MDFI: variants seen among roughly 807,000 people sequenced by gnomAD.
MDFI encodes the protein inhibitor of MyoD family a.
Under a neutral mutation model 22.3 loss-of-function variants are expected in MDFI, and 16 were observed. The observed-to-expected ratio is 0.72, with a 90% confidence interval of 0.49 to 1.09. The LOEUF (loss-of-function observed/expected upper bound fraction) is 1.09, where lower values mean the gene tolerates loss of function less well. Ranked by LOEUF, MDFI falls within the 50% of genes least tolerant of loss-of-function variation. MDFI has a pLI of 0.00. For synonymous variants in MDFI, 145 were observed against 142.7 expected, an observed-to-expected ratio of 1.02 and a Z score of -0.12; for missense variants, 314 against 326.1, an observed-to-expected ratio of 0.96 and a Z score of 0.29.
intron 2 of MDFI, among the ~76,000 whole-genome samples, chr6:41,644,481 C>T (rs1014207654): frequency 3.9e-5 from 6 of 152,136 alleles, no homozygotes; most frequent in Admixed American, 2.0e-4. Context: ...GCCTCTGGGG[C>T]GTCCATTCCC....
At position 41,650,308 on chromosome 6, in the gene MDFI, A is replaced by G. The variant is rs543671469; in HGVS notation, c.484+465A>G. ...TGCAGTAGGAGGTCAGAGGATCCAG[A>G]CACCCAACCAGCCGATGTGCCTACA... On this transcript the variant is annotated intron_variant, in intron 4 of 4. Coordinates refer to ENST00000230321, the MANE Select transcript of MDFI (RefSeq NM_005586.4). Among the ~76,000 whole-genome samples the G allele has an allele frequency of 5.9e-5, 9 of 152,322 alleles. No individual in the cohort carries two copies. The East Asian group carries it at 1.7e-3, about 29-fold the overall frequency.
intron 2 of MDFI, chr6:41,639,418 C>T (rs1767766788): frequency 2.0e-6 from 2 of 985,322 alleles, no homozygotes; most frequent in African/African-American, 1.7e-5. Context: ...GTGTCTTCAG[C>T]CCAAGTGAAA....
chr6:41,650,742 T>G (rs1490753688), intron 4 of MDFI, among the ~76,000 whole-genome samples: 1 of 151,948 alleles, frequency 6.6e-6, no homozygotes, highest in Non-Finnish European at 1.5e-5. Context: ...CCCAGCTAAT[T>G]TTTGTATTTT....
Position 41,638,977 on chromosome 6 carries a change from G to A in MDFI, c.76+152G>A. On this transcript the variant is annotated intron_variant, in intron 2 of 4. Transcript: ENST00000230321. This position sits in a 1 kb window ranked among gnomAD's most constrained non-coding sequence, Gnocchi z 7.6. ...ACGAAAAGTCTGGGTTTGAGGACTT[G>A]GTCCAAGGAGAGTAGGGGGCTGGGC... 2.1e-6 allele frequency: 2 copies of A among 967,500 alleles called. No individual in the cohort carries two copies. Among genetic ancestry groups the A allele is most frequent in the Non-Finnish European group, 3.0e-6 (2 of 673,276 alleles). 59.9% of individuals were successfully genotyped at this position (967,500 alleles called of 1,614,324 possible).
At chr6:41,643,851 A>G (rs1767952169) in intron 2 of MDFI, among the ~76,000 whole-genome samples, 1 of 152,096 alleles carries the variant, frequency 6.6e-6, no homozygotes, top group Non-Finnish European at 1.5e-5. Context: ...AACTCTGATA[A>G]TTTGCCAGGC....
At chr6:41,652,187 G>A (rs937474505) in intron 4 of MDFI, among the ~76,000 whole-genome samples, 5 of 152,208 alleles carry the variant, frequency 3.3e-5, no homozygotes, top group Admixed American at 3.3e-4. Context: ...GGCAAAGAAG[G>A]AGATGAGGGA....
Position 41,649,709 on chromosome 6 carries a change from G to A in MDFI, c.350G>A (p.Gly117Glu). Residue 117 changes from glycine to glutamate, a missense_variant, in exon 4 of 5, where the codon GGG becomes GAG. Transcript: ENST00000230321. ...PSELGGTRRA[G>E]NGALGGPKAH... is the part of the protein sequence containing the mutation. The stretch of plus-strand genomic sequence containing the variant: ...GAGCTGGGCGGCACCAGACGGGCGG[G>A]GAATGGTGCCCTGGGTGGCCCCAAG... The A allele has an allele frequency of 6.2e-7, 1 of 1,614,076 alleles. No homozygotes were observed. The highest frequency in any genetic ancestry group is 8.5e-7 in the Non-Finnish European group (1 of 1,180,002).
At position 41,646,269 on chromosome 6, in the gene MDFI, G is replaced by A; in HGVS notation, c.220G>A (p.Asp74Asn). The stretch of plus-strand genomic sequence containing the variant: ...TGGCCCTGGCATCCCCCAGGGCCTG[G>A]ACAGCACTGACCTCGACGTCCCCAC... ...GNGPGIPQGL[D>N]STDLDVPTEA... The change falls in exon 3 of 5, where the codon GAC becomes AAC. Residue 74 changes from aspartate (D) to asparagine (N), a missense_variant. Asp to Asn is a conservative substitution (Grantham distance 23). Transcript: ENST00000230321. 2 of 1,526,766 alleles carry A rather than the reference G, an allele frequency of 1.3e-6. No homozygotes were observed. Among genetic ancestry groups the A allele is most frequent in the Non-Finnish European group, 1.8e-6 (2 of 1,139,974 alleles). The allele number at this position is 1,526,766 out of a possible 1,614,324, so 94.6% of individuals were successfully genotyped here.
chr6:41,646,603 C>T (rs758191486), intron 3 of MDFI, among the ~76,000 whole-genome samples: 43 of 152,150 alleles, frequency 2.8e-4, no homozygotes, highest in Admixed American at 5.2e-4. Flanking sequence ...AAGAGAGCTA[C>T]GGGGCTGGGG....
In MDFI at chr6:41,638,987, G is replaced by A. The variant is rs1192019197; in HGVS notation, c.76+162G>A. 3.3e-5 allele frequency among the ~76,000 whole-genome samples: 5 copies of A among 152,174 alleles called. No individual in the cohort carries two copies. Among genetic ancestry groups the A allele is most frequent in the Admixed American group, 3.3e-4 (5 of 15,286 alleles). On this transcript the variant is annotated intron_variant, in intron 2 of 4. Transcript: ENST00000230321. The surrounding 1 kb of genome is among the most constrained non-coding windows in gnomAD (Gnocchi z 7.6). ...TGGGTTTGAGGACTTGGTCCAAGGA[G>A]AGTAGGGGGCTGGGCGAGGGAGGCA... is the stretch of plus-strand genomic sequence containing the variant.
At position 41,649,579 on chromosome 6, in the gene MDFI, C is replaced by G. The variant is rs748318629; in HGVS notation, c.260-40C>G. 3 of 1,515,222 alleles carry G rather than the reference C, an allele frequency of 2.0e-6. No homozygotes were observed. The South Asian group carries it at 3.9e-5, about 20-fold the overall frequency. 93.9% of individuals were successfully genotyped at this position (1,515,222 alleles called of 1,614,324 possible). On this transcript the variant is annotated intron_variant, in intron 3 of 4. Transcript: ENST00000230321. ...GCATAGCTCTGGGGGCCGAATGACC[C>G]CCACCCTTTTCCCATCACACTTTCT...
rs1450385693 is a variant in MDFI at position 41,651,385 on chromosome 6, C to T, written c.484+1542C>T. 1.3e-5 allele frequency among the ~76,000 whole-genome samples: 2 copies of T among 148,966 alleles called. 1 individual carries two copies. Among genetic ancestry groups the T allele is most frequent in the Non-Finnish European group, 3.0e-5 (2 of 67,262 alleles). On this transcript the variant is annotated intron_variant, in intron 4 of 4. Coordinates refer to ENST00000230321, the MANE Select transcript of MDFI (RefSeq NM_005586.4). ...ATCTGGGGAGGGAATCCTGGGAAGGCTTGGAGGTGATGTCTGAACATGCCT... is the reference window on the plus strand; with the variant it reads ...ATCTGGGGAGGGAATCCTGGGAAGGTTTGGAGGTGATGTCTGAACATGCCT...
chr6:41,648,213 C>T (rs1372337091), intron 3 of MDFI, among the ~76,000 whole-genome samples: 1 of 152,098 alleles, frequency 6.6e-6, no homozygotes, highest in Non-Finnish European at 1.5e-5. Flanking sequence ...CCCTCTGAGC[C>T]CCAGCTCCTA....
In MDFI at chr6:41,638,756, C is replaced by T. The variant is rs1232777406; in HGVS notation, c.7C>T (p.Gln3Ter). 1.3e-6 allele frequency: 2 copies of T among 1,569,018 alleles called. No individual in the cohort carries two copies. Among genetic ancestry groups the T allele is most frequent in the African/African-American group, 1.3e-5 (1 of 74,246 alleles). The change falls in exon 2 of 5, where the codon CAG (glutamine) becomes TAG (stop). Residue 3 changes from glutamine to a stop codon, truncating the protein, a stop_gained. Transcript: ENST00000230321. LOFTEE classifies it high-confidence loss of function. The surrounding 1 kb of genome is among the most constrained non-coding windows in gnomAD (Gnocchi z 7.6). ...TTCCGCAGGTCCGGGGCCGATGTAC[C>T]AGGTGAGCGGCCAGCGCCCCTCTGG... is the stretch of plus-strand genomic sequence containing the variant. MY[Q>*]VSGQRPSGCD... is the part of the protein sequence containing the mutation.
intron 4 of MDFI, among the ~76,000 whole-genome samples, chr6:41,652,608 CTTTTTTTT>C (rs3050047): frequency 2.4e-5 from 2 of 84,406 alleles, no homozygotes; most frequent in Admixed American, 1.7e-4. Flanking sequence ...CTCTCCCTCT[CTTTTTTTT>C]TTTTTTTTTT....
intron 4 of MDFI, among the ~76,000 whole-genome samples, chr6:41,651,214 C>G (rs1768259513): frequency 6.7e-6 from 1 of 149,320 alleles, no homozygotes; most frequent in Non-Finnish European, 1.5e-5. Flanking sequence ...TAGGCACCTG[C>G]TATGTGCTGG....
At chr6:41,642,904 A>G (rs76074903) in intron 2 of MDFI, among the ~76,000 whole-genome samples, 3,243 of 152,246 alleles carry the variant, frequency 0.021, 106 homozygotes, top group African/African-American at 0.07. Context: ...GAGCAGAGAC[A>G]CTTTGGGTAA....
intron 2 of MDFI, among the ~76,000 whole-genome samples, chr6:41,640,175 T>C (rs907831993): frequency 3.3e-5 from 5 of 152,186 alleles, no homozygotes; most frequent in South Asian, 2.1e-4. Context: ...TCCTTCTCTG[T>C]GTCTGGGAAC....
rs779729387 is a variant in MDFI, at chr6:41,638,866, T to C, written c.76+41T>C. On this transcript the variant is annotated intron_variant, in intron 2 of 4. Transcript: ENST00000230321. This position sits in a 1 kb window ranked among gnomAD's most constrained non-coding sequence, Gnocchi z 7.6. ...GCGAGCGAAGCTGGACAGGGGCGGG[T>C]GGGCGGCTGAAGGGGCCAGTTATTA... 1.8e-5 allele frequency: 28 copies of C among 1,517,388 alleles called. No homozygotes were observed. The highest frequency in any genetic ancestry group is 2.4e-5 in the Non-Finnish European group (27 of 1,136,902). The allele number at this position is 1,517,388 out of a possible 1,614,324, so 94.0% of individuals were successfully genotyped here. A position where few individuals can be genotyped will look rare whatever the true frequency, so the allele number is the denominator to read the frequency against.
Sources: allele counts gnomAD v4.1 joint callset (sites outside exome capture counted in the v4.1 genomes callset), GRCh38; gene constraint gnomAD v4.1.1; non-coding constraint Gnocchi (gnomAD v3.1); transcripts MANE v1.5; gene names NCBI Gene and HGNC (gene_info 2026-07-23, HGNC 2026-07-21).